Variants in ZNF804B observed in about 807,000 individuals in gnomAD.
ZNF804B encodes zinc finger 804B.
A neutral mutation model predicts 101.4 loss-of-function variants in ZNF804B; 80 were observed. That is an observed-to-expected ratio of 0.79 (90% CI 0.66 to 0.95). The LOEUF is 0.95. Ranked by LOEUF, ZNF804B falls within the 40% of genes least tolerant of loss-of-function variation. ZNF804B has a pLI of 0.00. For synonymous variants in ZNF804B, 622 were observed against 558.8 expected, an observed-to-expected ratio of 1.11 and a Z score of -1.59; for missense variants, 1,673 against 1,561.9, an observed-to-expected ratio of 1.07 and a Z score of -1.20.
chr7:89,053,505 A>G (rs1176751129), intron 1 of ZNF804B, among the ~76,000 whole-genome samples: 1 of 152,106 alleles, frequency 6.6e-6, no homozygotes, highest in African/African-American at 2.4e-5. Flanking sequence ...ATTAAAAGTA[A>G]ACTAATTTGC....
At chr7:88,785,488 C>A (rs1790288029) in intron 1 of ZNF804B, among the ~76,000 whole-genome samples, 2 of 152,192 alleles carry the variant, frequency 1.3e-5, no homozygotes, top group Admixed American at 6.6e-5. Flanking sequence ...ATCTGTTTCC[C>A]ACAATTCAGA....
At chr7:89,239,310 C>A (rs1222229667) in intron 2 of ZNF804B, among the ~76,000 whole-genome samples, 1 of 152,132 alleles carries the variant, frequency 6.6e-6, no homozygotes, top group African/African-American at 2.4e-5. Context: ...GAGATGGCAA[C>A]CACAACATCA....
Position 89,336,338 on chromosome 7 carries a change from A to G in ZNF804B, c.3356A>G (p.Asp1119Gly). Reference protein sequence around the residue: ...HVEGNINSYYDRTMQKPDKVE... With the variant: ...HVEGNINSYYGRTMQKPDKVE... ...GAGGGAAATATAAACTCTTACTATG[A>G]CAGAACTATGCAGAAACCTGACAAA... The change falls in exon 4 of 4, where the codon GAC (aspartate) becomes GGC (glycine). Residue 1119 changes from aspartate (D) to glycine (G), a missense_variant. Physicochemically the swap from Asp to Gly is moderately conservative, Grantham distance 94 (BLOSUM62 -1). Coordinates refer to ENST00000333190, the MANE Select transcript of ZNF804B (RefSeq NM_181646.5). 2 of 1,613,960 alleles carry G rather than the reference A, an allele frequency of 1.2e-6. No homozygotes were observed. Among genetic ancestry groups the G allele is most frequent in the South Asian group, 2.2e-5 (2 of 91,086 alleles).
At chr7:89,310,947 G>T (rs1298397434) in intron 2 of ZNF804B, among the ~76,000 whole-genome samples, 1 of 150,948 alleles carries the variant, frequency 6.6e-6, no homozygotes, top group Non-Finnish European at 1.5e-5. Context: ...GAGAGCAGAG[G>T]TTTGCTAAAG....
intron 2 of ZNF804B, among the ~76,000 whole-genome samples, chr7:89,240,708 G>T: frequency 6.6e-6 from 1 of 150,940 alleles, no homozygotes; most frequent in African/African-American, 2.4e-5. Context: ...ATCTTCCTTG[G>T]CTCTCTACAC....
intron 1 of ZNF804B, among the ~76,000 whole-genome samples, chr7:89,118,898 G>A (rs1790357276): frequency 6.6e-6 from 1 of 152,154 alleles, no homozygotes. Flanking sequence ...TGATAATGGC[G>A]ATGATGATGG....
In ZNF804B at chr7:89,337,545, T is replaced by C. The variant is rs1255323213; in HGVS notation, c.*513T>C. ...AATGTAGTCTGTTACTGTATTTTCATAGGAAATAAGAACAAGACATTTTCT... is the reference window on the plus strand; with the variant it reads ...AATGTAGTCTGTTACTGTATTTTCACAGGAAATAAGAACAAGACATTTTCT... On this transcript the variant is annotated 3_prime_UTR_variant, in exon 4 of 4. Transcript: ENST00000333190. Among the ~76,000 whole-genome samples, 1 of 152,122 alleles carries C rather than the reference T, an allele frequency of 6.6e-6. No homozygotes were observed. The highest frequency in any genetic ancestry group is 1.5e-5 in the Non-Finnish European group (1 of 67,990).
chr7:88,938,800 C>G (rs190003575), intron 1 of ZNF804B, among the ~76,000 whole-genome samples: 42 of 151,986 alleles, frequency 2.8e-4, no homozygotes, highest in Admixed American at 2.7e-3. Flanking sequence ...GAATATATAG[C>G]AAGCCCAAGA....
chr7:89,206,719 T>G (rs1478612502), intron 1 of ZNF804B, among the ~76,000 whole-genome samples: 1 of 152,024 alleles, frequency 6.6e-6, no homozygotes, highest in East Asian at 1.9e-4. Flanking sequence ...GCCATTGCAC[T>G]CCAGCCTGGG....
chr7:89,089,695 A>G (rs1468520726), intron 1 of ZNF804B, among the ~76,000 whole-genome samples: 3 of 152,080 alleles, frequency 2.0e-5, no homozygotes, highest in African/African-American at 7.2e-5. Flanking sequence ...AATGAAATTA[A>G]ATTTATTTTT....
intron 1 of ZNF804B, among the ~76,000 whole-genome samples, chr7:89,022,861 G>A (rs796388048): frequency 1.7e-4 from 26 of 152,176 alleles, no homozygotes; most frequent in African/African-American, 3.1e-4. Context: ...ATGGGAACTC[G>A]AATATTTTAA....
At position 88,864,511 on chromosome 7, in the gene ZNF804B, T is replaced by A. The variant is rs115476638; in HGVS notation, c.108+104427T>A. 2.0e-3 allele frequency among the ~76,000 whole-genome samples: 303 copies of A among 152,290 alleles called. 1 individual carries two copies. Among genetic ancestry groups the A allele is most frequent in the African/African-American group, 6.6e-3 (276 of 41,560 alleles). ...ACTAGTTGCTTGGCCATATGAGATG[T>A]CTCCAGATAGGCTGTTTGGAAAATC... On this transcript the variant is annotated intron_variant, in intron 1 of 3. Transcript: ENST00000333190.
At chr7:89,205,662 G>A (rs1198387370) in intron 1 of ZNF804B, among the ~76,000 whole-genome samples, 1 of 152,160 alleles carries the variant, frequency 6.6e-6, no homozygotes, top group Non-Finnish European at 1.5e-5. Flanking sequence ...ATCTTGGGCA[G>A]CTCCTTCCCT....
chr7:88,886,451 A>AT (rs1423257807), intron 1 of ZNF804B, among the ~76,000 whole-genome samples: 2 of 152,172 alleles, frequency 1.3e-5, no homozygotes, highest in Non-Finnish European at 2.9e-5. Flanking sequence ...TTAAAAACAT[A>AT]TTTTTGCATT....
intron 1 of ZNF804B, among the ~76,000 whole-genome samples, chr7:89,042,410 A>G (rs973983662): frequency 3.9e-5 from 6 of 152,172 alleles, no homozygotes; most frequent in East Asian, 3.9e-4. Flanking sequence ...AAGTTGTCTT[A>G]CTTGAATAAT....
chr7:89,173,985 G>T (rs1791279129), intron 1 of ZNF804B, among the ~76,000 whole-genome samples: 1 of 151,716 alleles, frequency 6.6e-6, no homozygotes, highest in East Asian at 1.9e-4. Context: ...TATTTATGGG[G>T]TATGTGAGAT....
intron 1 of ZNF804B, among the ~76,000 whole-genome samples, chr7:89,142,909 A>C (rs1790738037): frequency 6.6e-6 from 1 of 152,012 alleles, no homozygotes; most frequent in South Asian, 2.1e-4. Context: ...AACTAACACC[A>C]AAATGCAAGT....
At chr7:88,877,580 T>C (rs1030258874) in intron 1 of ZNF804B, among the ~76,000 whole-genome samples, 1 of 152,108 alleles carries the variant, frequency 6.6e-6, no homozygotes. Context: ...CTGTCTCTTC[T>C]ATTAATTAAG....
chr7:89,220,143 GTATATACATATATATATA>G lies in ZNF804B; in HGVS notation c.249+1849_249+1866del, dbSNP rs1788980060. On this transcript the variant is annotated intron_variant, in intron 2 of 3. Transcript: ENST00000333190. ...TATATATACGCACACATATATGTGT[GTATATACATATATATATA>G]CGCACATATATATGTGTGTATATAT... 4.4e-5 allele frequency among the ~76,000 whole-genome samples: 5 copies of G among 114,004 alleles called. 1 individual carries two copies. Among genetic ancestry groups the G allele is most frequent in the South Asian group, 5.7e-4 (2 of 3,536 alleles). 74.8% of individuals were successfully genotyped at this position (114,004 alleles called of 152,430 possible).
Sources: gnomAD v4.1 joint callset for allele counts (sites outside exome capture counted in the v4.1 genomes callset) on GRCh38, gnomAD v4.1.1 for gene constraint, MANE v1.5 for transcripts, NCBI Gene and HGNC (gene_info 2026-07-23, HGNC 2026-07-21) for gene names.